The following MON2 variants were observed in gnomAD, a reference collection of about 807,000 sequenced individuals.
MON2 encodes protein MON2 homolog.
Under a neutral mutation model 208.6 loss-of-function variants are expected in MON2, and 84 were observed. That is an observed-to-expected ratio of 0.40 (90% confidence interval 0.34 to 0.48). The LOEUF (loss-of-function observed/expected upper bound fraction) is 0.48, where lower values mean the gene tolerates loss of function less well. MON2 is among the 20% of genes least tolerant of loss of function. The probability of loss-of-function intolerance (pLI) is 0.59; values close to 1 mark genes in which losing one functional copy is unlikely to be tolerated. For missense variants in MON2, 1,611 were observed against 2,015.4 expected (o/e 0.80, Z 3.84); for synonymous variants, 660 against 694.0 (o/e 0.95, Z 0.77).
chr12:62,505,106 GTGT>G (rs1000248675), intron 7 of MON2, among the ~76,000 whole-genome samples: 12 of 152,162 alleles, frequency 7.9e-5, no homozygotes, highest in African/African-American at 2.9e-4. Flanking sequence ...CCTCAATGAA[GTGT>G]TGTAGTGGAA....
chr12:62,547,842 A>G (rs2073561764), intron 22 of MON2, among the ~76,000 whole-genome samples: 1 of 152,182 alleles, frequency 6.6e-6, no homozygotes, highest in Non-Finnish European at 1.5e-5. Context: ...GTAGCCCAGG[A>G]GCAATAATAT....
Position 62,599,374 on chromosome 12 carries a change from A to T in MON2, c.*6625A>T, listed in dbSNP as rs955108562. ...TGCCTGTCCATATCAATGCCAGACT[A>T]TCTCTCTACCTCTCAAAGAAAATAA... On this transcript the variant is annotated 3_prime_UTR_variant, in exon 35 of 35. Coordinates refer to ENST00000393630, the MANE Select transcript of MON2 (RefSeq NM_015026.3). 1 of 152,184 alleles carries T rather than the reference A, an allele frequency of 6.6e-6. No individual in the cohort carries two copies. Among genetic ancestry groups the T allele is most frequent in the Admixed American group, 6.5e-5 (1 of 15,276 alleles). The allele number at this position is 152,184 out of a possible 1,614,324, so 9.4% of individuals were successfully genotyped here.
chr12:62,538,554 A>T (rs367985563), intron 19 of MON2, 49 bp downstream of exon 19: 33 of 1,199,526 alleles, frequency 2.8e-5, no homozygotes, highest in Non-Finnish European at 3.7e-5. Context: ...TAGTTATATA[A>T]GATGTACATC....
intron 1 of MON2, among the ~76,000 whole-genome samples, chr12:62,477,880 A>G (rs2069183258): frequency 6.6e-6 from 1 of 152,148 alleles, no homozygotes; most frequent in South Asian, 2.1e-4. Flanking sequence ...GTGTCATATG[A>G]AATTTGAGGT....
rs1257360811 is a variant in MON2 at position 62,598,942 on chromosome 12, C to T, written c.*6193C>T. 6.6e-6 allele frequency: 1 copy of T among 152,094 alleles called. No homozygotes were observed. Among genetic ancestry groups the T allele is most frequent in the Non-Finnish European group, 1.5e-5 (1 of 67,986 alleles). The allele number at this position is 152,094 out of a possible 1,614,324, so 9.4% of individuals were successfully genotyped here. A position where few individuals can be genotyped will look rare whatever the true frequency, so the allele number is the denominator to read the frequency against. On this transcript the variant is annotated 3_prime_UTR_variant, in exon 35 of 35. Coordinates refer to ENST00000393630, the MANE Select transcript of MON2 (RefSeq NM_015026.3). Reference sequence around the variant, plus strand: ...GTTTCTTTATAACTTAAAATCATAACCACTTTGATAATTTACCTTTGGATC... The same window carrying T: ...GTTTCTTTATAACTTAAAATCATAATCACTTTGATAATTTACCTTTGGATC...
chr12:62,490,678 A>G (rs544006268), intron 2 of MON2, among the ~76,000 whole-genome samples: 16 of 152,248 alleles, frequency 1.1e-4, no homozygotes, highest in African/African-American at 3.8e-4. Flanking sequence ...TATACTTCAG[A>G]AGACTTAGAA....
intron 23 of MON2, among the ~76,000 whole-genome samples, chr12:62,552,375 T>C (rs2073788159): frequency 6.6e-6 from 1 of 152,216 alleles, no homozygotes. Flanking sequence ...ATTTTACATT[T>C]ATGTTCACAG....
chr12:62,492,351 TAG>T (rs1330223987), intron 2 of MON2, among the ~76,000 whole-genome samples: 1 of 149,346 alleles, frequency 6.7e-6, no homozygotes, highest in African/African-American at 2.5e-5. Context: ...AAATAACTGA[TAG>T]AGTTAGTTCT....
At chr12:62,526,292 T>C (rs929649842) in intron 11 of MON2, among the ~76,000 whole-genome samples, 190 bp downstream of exon 11, 1 of 152,164 alleles carries the variant, frequency 6.6e-6, no homozygotes, top group Non-Finnish European at 1.5e-5. Flanking sequence ...TTGTGCTGTT[T>C]GTAGACTAAC....
At chr12:62,560,376 A>T in intron 25 of MON2, 115 bp from the exon 26 acceptor site, 1 of 1,025,118 alleles carries the variant, frequency 9.8e-7, no homozygotes, top group Non-Finnish European at 1.4e-6. Context: ...TATATTTTCC[A>T]GTTCTGTAGG....
chr12:62,570,256 C>T (rs2074543057), intron 29 of MON2, among the ~76,000 whole-genome samples: 1 of 152,148 alleles, frequency 6.6e-6, no homozygotes, highest in Non-Finnish European at 1.5e-5. Flanking sequence ...CTCAAACGCT[C>T]TACTCCTGTA....
At chr12:62,532,814 A>G (rs2072718336) in intron 12 of MON2, 144 bp downstream of exon 12, 1 of 653,954 alleles carries the variant, frequency 1.5e-6, no homozygotes, top group Non-Finnish European at 2.6e-6. Flanking sequence ...CTTGAATTAT[A>G]TACATGTGAC....
rs1313456685 is a variant in MON2 at position 62,538,847 on chromosome 12, T to C, written c.2364+342T>C. The stretch of plus-strand genomic sequence containing the variant: ...ATTACAATTTATGATTGGGGTAATA[T>C]AAGATTTAAATTAAAGAATGTTTGT... On this transcript the variant is annotated intron_variant, in intron 19 of 34. Transcript: ENST00000393630. 3.3e-5 allele frequency among the ~76,000 whole-genome samples: 5 copies of C among 152,230 alleles called. No homozygotes were observed. The East Asian group carries it at 9.6e-4, about 29-fold the overall frequency.
At chr12:62,542,821 A>G (rs2073298119) in intron 19 of MON2, among the ~76,000 whole-genome samples, 1 of 152,140 alleles carries the variant, frequency 6.6e-6, no homozygotes, top group South Asian at 2.1e-4. Flanking sequence ...AAGACTAGCC[A>G]TTCTATGTGT....
chr12:62,475,478 A>T (rs1592805573), intron 1 of MON2, among the ~76,000 whole-genome samples: 1 of 146,654 alleles, frequency 6.8e-6, no homozygotes, highest in East Asian at 2.0e-4. Flanking sequence ...CTCTATCTTT[A>T]AAAAAAAAAA....
chr12:62,484,947 A>G (rs1397420199), intron 2 of MON2: 1 of 139,702 alleles, frequency 7.2e-6, no homozygotes, highest in Non-Finnish European at 1.5e-5. Context: ...AGAATCTGTT[A>G]TATGCAAGGC....
intron 19 of MON2, among the ~76,000 whole-genome samples, chr12:62,540,090 A>T (rs886230804): frequency 6.6e-6 from 1 of 152,198 alleles, no homozygotes; most frequent in Non-Finnish European, 1.5e-5. Context: ...TTAACACAAA[A>T]CTATAATATT....
At chr12:62,494,699 G>C (rs557209710) in intron 3 of MON2, among the ~76,000 whole-genome samples, 1 of 152,066 alleles carries the variant, frequency 6.6e-6, no homozygotes, top group African/African-American at 2.4e-5. Context: ...GCATATGTCC[G>C]TATTATTCAT....
At chr12:62,581,866 A>G (rs939141934) in intron 32 of MON2, among the ~76,000 whole-genome samples, 11 of 152,212 alleles carry the variant, frequency 7.2e-5, no homozygotes, top group African/African-American at 2.7e-4. Flanking sequence ...AATTTGTGCC[A>G]TGCAGATCCT....
Sources: allele counts gnomAD v4.1 joint callset (sites outside exome capture counted in the v4.1 genomes callset), GRCh38; gene constraint gnomAD v4.1.1; transcripts MANE v1.5; gene names NCBI Gene and HGNC (gene_info 2026-07-23, HGNC 2026-07-21).